DGKI: variants seen among roughly 807,000 people sequenced by gnomAD.
The protein encoded by DGKI is diacylglycerol kinase iota.
A neutral mutation model predicts 147.5 loss-of-function variants in DGKI; 55 were observed. The observed-to-expected ratio is 0.37, with a 90% CI of 0.30 to 0.47. The LOEUF is 0.47. DGKI is among the 20% of genes least tolerant of loss of function. The pLI is 1.00. For synonymous variants in DGKI, 469 were observed against 477.1 expected, an observed-to-expected ratio of 0.98 and a Z score of 0.22; for missense variants, 1,007 against 1,323.8, an observed-to-expected ratio of 0.76 and a Z score of 3.71.
intron 1 of DGKI, chr7:137,843,523 T>C (rs191656590): frequency 4.8e-6 from 3 of 629,600 alleles, no homozygotes; most frequent in Non-Finnish European, 5.9e-6. Context: ...CAACACAGAA[T>C]AGATAATGAG....
Position 137,793,014 on chromosome 7 carries a change from T to C in DGKI, c.401+53448A>G, listed in dbSNP as rs567966143. ...GCATTCACTCATTTAATTCTCACCA[T>C]TGTCTTATGAGGATGGTAAAGAATA... On this transcript the variant is annotated intron_variant, in intron 1 of 32. Coordinates refer to ENST00000614521, the MANE Select transcript of DGKI (RefSeq NM_001321708.2). 2.0e-5 allele frequency among the ~76,000 whole-genome samples: 3 copies of C among 152,366 alleles called. No individual in the cohort carries two copies. The South Asian group carries it at 6.2e-4, about 32-fold the overall frequency.
In DGKI at chr7:137,689,989, G is replaced by T; in HGVS notation, c.415C>A (p.Arg139=). Residue 139 remains arginine (R), a synonymous_variant, in exon 2 of 33, where the codon CGG becomes AGG. Transcript: ENST00000614521. ...GGAGCCAGATGCTGGAGGCCTGCCCGGGAGATTGCTTTCCTGCAGCAAGAA... is the reference window on the plus strand; with the variant it reads ...GGAGCCAGATGCTGGAGGCCTGCCCTGGAGATTGCTTTCCTGCAGCAAGAA... The part of the protein sequence containing the change: ...KQVSYRKAIS[R]AGLQHLAPAH... 6.3e-7 allele frequency: 1 copy of T among 1,599,320 alleles called. No homozygotes were observed. Among genetic ancestry groups the T allele is most frequent in the South Asian group, 1.1e-5 (1 of 88,902 alleles).
chr7:137,422,590 CTTTTCTT>C (rs1812615540), intron 28 of DGKI, among the ~76,000 whole-genome samples: 10 of 58,376 alleles, frequency 1.7e-4, no homozygotes, highest in Admixed American at 1.6e-3. Context: ...TTTTCTTTTT[CTTTTCTT>C]TTTTTTTTTT....
intron 1 of DGKI, chr7:137,771,660 T>C (rs1395778365): frequency 6.6e-6 from 1 of 152,234 alleles, no homozygotes; most frequent in Admixed American, 6.5e-5. Flanking sequence ...CATGACTTGA[T>C]ACAATTGTTG....
chr7:137,566,657 GT>G (rs1818595816), intron 19 of DGKI, among the ~76,000 whole-genome samples: 1 of 152,022 alleles, frequency 6.6e-6, no homozygotes, highest in Non-Finnish European at 1.5e-5. Flanking sequence ...CCTAATTTTA[GT>G]ATTCCATTTC....
intron 3 of DGKI, among the ~76,000 whole-genome samples, chr7:137,668,713 T>C (rs1001260715): frequency 1.3e-5 from 2 of 152,166 alleles, no homozygotes; most frequent in Non-Finnish European, 2.9e-5. Flanking sequence ...TGGTGTGTGC[T>C]GTAAAAGGTT....
intron 28 of DGKI, among the ~76,000 whole-genome samples, chr7:137,433,442 AGAG>A (rs1813158404): frequency 6.6e-6 from 1 of 152,236 alleles, no homozygotes; most frequent in African/African-American, 2.4e-5. Flanking sequence ...AGCTCTAGGT[AGAG>A]GAGAAGACTT....
At chr7:137,427,941 G>A (rs1044455774) in intron 28 of DGKI, among the ~76,000 whole-genome samples, 3 of 151,092 alleles carry the variant, frequency 2.0e-5, no homozygotes, top group Non-Finnish European at 4.4e-5. Flanking sequence ...TCCACGACCA[G>A]ATGGATTCAC....
chr7:137,435,979 G>A lies in DGKI; in HGVS notation c.2761+8098C>T, dbSNP rs1047096994. 5.3e-5 allele frequency among the ~76,000 whole-genome samples: 8 copies of A among 152,098 alleles called. No individual in the cohort carries two copies. The South Asian group carries it at 1.5e-3, about 28-fold the overall frequency. On this transcript the variant is annotated intron_variant, in intron 28 of 32. Coordinates refer to ENST00000614521, the MANE Select transcript of DGKI (RefSeq NM_001321708.2). Reference sequence around the variant, plus strand: ...ATTTTTAGCAGAGGCGAGGTTTCACGATGTTGGCTAGGCTGGTCTCAAACT... The same window carrying A: ...ATTTTTAGCAGAGGCGAGGTTTCACAATGTTGGCTAGGCTGGTCTCAAACT...
chr7:137,722,635 T>C (rs993475458), intron 1 of DGKI: 3 of 1,592,466 alleles, frequency 1.9e-6, no homozygotes, highest in African/African-American at 2.7e-5. Flanking sequence ...TGATGCTTAC[T>C]TCAAGAAGAA....
chr7:137,799,032 TA>T lies in DGKI; in HGVS notation c.401+47429del, dbSNP rs1410396248. Among the ~76,000 whole-genome samples the T allele has an allele frequency of 5.3e-5, 8 of 152,250 alleles. No individual in the cohort carries two copies. The East Asian group carries it at 1.4e-3, about 26-fold the overall frequency. ...ACCTAATAAAGGACATCTATTTTTT[TA>T]AAAAAACTCACTGCCAACATCACAC... On this transcript the variant is annotated intron_variant, in intron 1 of 32. Coordinates refer to ENST00000614521, the MANE Select transcript of DGKI (RefSeq NM_001321708.2).
intron 30 of DGKI, among the ~76,000 whole-genome samples, chr7:137,398,863 A>G (rs1429534542): frequency 2.0e-5 from 3 of 151,994 alleles, no homozygotes; most frequent in African/African-American, 7.2e-5. Context: ...GTTACCAAGA[A>G]AGATAAGAAG....
intron 22 of DGKI, 132 bp from the exon 23 acceptor site, chr7:137,485,550 T>C (rs1048962623): frequency 4.4e-6 from 3 of 680,442 alleles, no homozygotes; most frequent in Non-Finnish European, 5.0e-6. Context: ...CACACCCAAA[T>C]TCATAAAGGT....
chr7:137,723,699 C>CTTT (rs769605042), intron 1 of DGKI, among the ~76,000 whole-genome samples: 20 of 104,414 alleles, frequency 1.9e-4, no homozygotes, highest in Non-Finnish European at 3.2e-4. Flanking sequence ...CATGATATCC[C>CTTT]TTTTTTTTTT....
chr7:137,429,604 G>A (rs1812976904), intron 28 of DGKI, among the ~76,000 whole-genome samples: 1 of 152,086 alleles, frequency 6.6e-6, no homozygotes, highest in East Asian at 1.9e-4. Flanking sequence ...ACTACCATCA[G>A]AGTGAACAGG....
intron 1 of DGKI, among the ~76,000 whole-genome samples, chr7:137,780,775 T>C (rs1796494758): frequency 6.6e-6 from 1 of 152,252 alleles, no homozygotes; most frequent in Non-Finnish European, 1.5e-5. Flanking sequence ...AAAAAGGTGC[T>C]ATAAACTGTT....
At chr7:137,433,322 A>G (rs1390872074) in intron 28 of DGKI, among the ~76,000 whole-genome samples, 1 of 152,212 alleles carries the variant, frequency 6.6e-6, no homozygotes, top group African/African-American at 2.4e-5. Context: ...ACATTCTAAT[A>G]TTTTGCAACT....
At position 137,391,206 on chromosome 7, in the gene DGKI, C is replaced by A. The variant is rs1405745637; in HGVS notation, c.*14G>T. The A allele has an allele frequency of 6.2e-7, 1 of 1,603,056 alleles. No homozygotes were observed. The highest frequency in any genetic ancestry group is 1.7e-5 in the Admixed American group (1 of 60,012). ...GATACGCTTGCTCATGTCCTCTTTG[C>A]CCGAATACCAGGGTCAAACAGCAGT... On this transcript the variant is annotated 3_prime_UTR_variant, in exon 33 of 33. Coordinates refer to ENST00000614521, the MANE Select transcript of DGKI (RefSeq NM_001321708.2).
At chr7:137,839,930 C>G (rs1469751221) in intron 1 of DGKI, among the ~76,000 whole-genome samples, 1 of 152,166 alleles carries the variant, frequency 6.6e-6, no homozygotes, top group Non-Finnish European at 1.5e-5. Flanking sequence ...ATGCTGTTTG[C>G]TTTATTTCAA....
Sources: allele counts gnomAD v4.1 joint callset (sites outside exome capture counted in the v4.1 genomes callset), GRCh38; gene constraint gnomAD v4.1.1; transcripts MANE v1.5; gene names NCBI Gene and HGNC (gene_info 2026-07-23, HGNC 2026-07-21).